The following SYNPO variants were observed in gnomAD, a reference collection of about 807,000 sequenced individuals.
SYNPO encodes synaptopodin.
In SYNPO, 19 loss-of-function variants were observed where a neutral mutation model predicts 49.5. The ratio of observed to expected loss-of-function variants is 0.38; its 90% CI spans 0.27 to 0.56. The LOEUF (loss-of-function observed/expected upper bound fraction) is 0.56. Among genes scored for constraint, SYNPO ranks in the 20% least tolerant of loss-of-function variants. SYNPO has a pLI of 0.68. For missense variants in SYNPO, 1,131 were observed against 1,248.3 expected, an observed-to-expected ratio of 0.91 and a Z score of 1.42; for synonymous variants, 536 against 548.0, an observed-to-expected ratio of 0.98 and a Z score of 0.31.
chr5:150,605,064 A>G (rs1756653546), intron 1 of SYNPO, among the ~76,000 whole-genome samples: 1 of 152,156 alleles, frequency 6.6e-6, no homozygotes, highest in African/African-American at 2.4e-5. Context: ...AAATGAGCCA[A>G]CCCTAAGCTC....
Position 150,650,071 on chromosome 5 carries a change from T to G in SYNPO, c.1796T>G (p.Val599Gly). Reference sequence around the variant, plus strand: ...GCCAAGCCCAGCTCCTTGGACCTGGTGCCCAACCTGCCCAAGGGGGCTCTC... The same window carrying G: ...GCCAAGCCCAGCTCCTTGGACCTGGGGCCCAACCTGCCCAAGGGGGCTCTC... The part of the protein sequence containing the change: ...SPAKPSSLDL[V>G]PNLPKGALPP... Residue 599 changes from valine to glycine, a missense_variant, in exon 2 of 3, where the codon GTG (valine) becomes GGG (glycine). Physicochemically the swap from Val to Gly is moderately radical, Grantham distance 109 (BLOSUM62 -3). Around this residue, in one of 4 missense-constraint regions of SYNPO, gnomAD observed 509 missense variants for 484.5 expected, o/e 1.05. Coordinates refer to ENST00000307662, the MANE Select transcript of SYNPO (RefSeq NM_007286.6). 6.2e-7 allele frequency: 1 copy of G among 1,613,400 alleles called. No homozygotes were observed. The highest frequency in any genetic ancestry group is 2.2e-5 in the East Asian group (1 of 44,874).
intron 2 of SYNPO, among the ~76,000 whole-genome samples, chr5:150,624,545 G>C (rs1468598208): frequency 6.7e-6 from 1 of 148,558 alleles, no homozygotes; most frequent in East Asian, 2.0e-4. Flanking sequence ...ACAGCGAGAG[G>C]AAAGAGAGGT....
chr5:150,615,897 A>G (rs561412354), intron 1 of SYNPO, among the ~76,000 whole-genome samples: 1 of 152,232 alleles, frequency 6.6e-6, no homozygotes, highest in Non-Finnish European at 1.5e-5. Context: ...CACCTCTGAA[A>G]TGGGATAATA....
At position 150,618,707 on chromosome 5, in the gene SYNPO, G is replaced by A. The variant is rs558809889; in HGVS notation, c.340G>A (p.Gly114Arg). ...CCAGGACTGGGATGTAGTGAAGGCC[G>A]GGCAGATGATGACAGCCAGCCCCAG... Residue 114 changes from glycine (G) to arginine (R), a missense_variant, in exon 2 of 3, where the codon GGG becomes AGG. Physicochemically the swap from Gly to Arg is moderately radical, Grantham distance 125. Transcript: ENST00000394243. The A allele has an allele frequency of 2.5e-4, 381 of 1,550,712 alleles. No individual in the cohort carries two copies. The African/African-American group carries it at 4.6e-3, about 19-fold the overall frequency.
intron 1 of SYNPO, among the ~76,000 whole-genome samples, chr5:150,603,927 G>A (rs555143039): frequency 6.6e-6 from 1 of 152,300 alleles, no homozygotes; most frequent in South Asian, 2.1e-4. Flanking sequence ...CTTATGGAAG[G>A]GTGCCTTTCC....
In SYNPO at chr5:150,657,432, T is replaced by TCTCTCA. The variant is rs1298503590; in HGVS notation, c.*346_*347insTCTCAC. 7.2e-5 allele frequency: 10 copies of TCTCTCA among 139,684 alleles called. No homozygotes were observed. The highest frequency in any genetic ancestry group is 4.1e-4 in the South Asian group (2 of 4,846). 8.7% of individuals were successfully genotyped at this position (139,684 alleles called of 1,614,324 possible). A position where few individuals can be genotyped will look rare whatever the true frequency, so the allele number is the denominator to read the frequency against. ...CTCTCTCTTTCTCTCTCTCTCTCTCTCACACACACACACACACACACACAC... is the reference window on the plus strand; with the variant it reads ...CTCTCTCTTTCTCTCTCTCTCTCTCTCTCTCACACACACACACACACACACACACAC... On this transcript the variant is annotated 3_prime_UTR_variant, in exon 3 of 3. Coordinates refer to ENST00000307662, the MANE Select transcript of SYNPO (RefSeq NM_007286.6).
In SYNPO at chr5:150,649,042, G is replaced by A. The variant is rs368338113; in HGVS notation, c.767G>A (p.Arg256Lys). Residue 256 changes from arginine (R) to lysine (K), a missense_variant, in exon 2 of 3, where the codon AGG becomes AAG. Arg to Lys is a conservative substitution (Grantham distance 26). Transcript: ENST00000307662. Reference protein sequence around the residue: ...QAPGGTSQMERSPMLERRHFG... With the variant: ...QAPGGTSQMEKSPMLERRHFG... ...CCAGGGGGCACCAGCCAGATGGAGA[G>A]GAGCCCCATGCTAGAGAGACGACAT... is the stretch of plus-strand genomic sequence containing the variant. 6.2e-6 allele frequency: 10 copies of A among 1,614,122 alleles called. No individual in the cohort carries two copies. The highest frequency in any genetic ancestry group is 3.3e-5 in the Admixed American group (2 of 60,010).
rs1758553250 is a variant in SYNPO, at chr5:150,656,447, G to A, written c.2072G>A (p.Gly691Asp). The A allele has an allele frequency of 6.5e-7, 1 of 1,532,124 alleles. No individual in the cohort carries two copies. The highest frequency in any genetic ancestry group is 8.7e-7 in the Non-Finnish European group (1 of 1,145,330). 94.9% of individuals were successfully genotyped at this position (1,532,124 alleles called of 1,614,324 possible). A position where few individuals can be genotyped will look rare whatever the true frequency, so the allele number is the denominator to read the frequency against. Residue 691 changes from glycine to aspartate, a missense_variant, in exon 3 of 3, where the codon GGC becomes GAC. Gly to Asp is a moderately conservative substitution (Grantham distance 94). Coordinates refer to ENST00000307662, the MANE Select transcript of SYNPO (RefSeq NM_007286.6). ...SLPTSPPWTP[G>D]ASRPPSSLDG... ...CCCACCTCCCCACCCTGGACGCCGG[G>A]CGCGTCCCGGCCCCCCAGCAGCCTA...
At chr5:150,630,058 A>G (rs750988109) in intron 2 of SYNPO, among the ~76,000 whole-genome samples, 3 of 152,148 alleles carry the variant, frequency 2.0e-5, no homozygotes, top group Non-Finnish European at 2.9e-5. Flanking sequence ...GAGGAGCCTC[A>G]CTGGGTCTAG....
chr5:150,618,614 C>CT lies in SYNPO; in HGVS notation c.248dup (p.Ile85HisfsTer56). On this transcript the variant is annotated frameshift_variant, in exon 2 of 3. Transcript: ENST00000394243. LOFTEE classifies it high-confidence loss of function. ...GGGGACACCGCAGCTGCCCAAAGCC[C>CT]TGGGCATCCAACCACCCAGCTGCTC... 6.4e-7 allele frequency: 1 copy of CT among 1,551,496 alleles called. No individual in the cohort carries two copies. Among genetic ancestry groups the CT allele is most frequent in the Non-Finnish European group, 8.7e-7 (1 of 1,146,964 alleles).
At position 150,602,999 on chromosome 5, in the gene SYNPO, T is replaced by G. The variant is rs376090563; in HGVS notation, c.-266+1811T>G. Among the ~76,000 whole-genome samples the G allele has an allele frequency of 4.0e-3, 470 of 116,472 alleles. 2 individuals carry two copies. Among genetic ancestry groups the G allele is most frequent in the African/African-American group, 0.015 (409 of 27,036 alleles). 76.4% of individuals were successfully genotyped at this position (116,472 alleles called of 152,430 possible). A position where few individuals can be genotyped will look rare whatever the true frequency, so the allele number is the denominator to read the frequency against. On this transcript the variant is annotated intron_variant, in intron 1 of 2. Transcript: ENST00000394243. ...GGAAAGCCCAGTTGCCACCTTAGGG[T>G]GTGTGTGTGTGTGTGTGTGTGTGTG...
At chr5:150,607,242 G>A (rs568397584) in intron 1 of SYNPO, among the ~76,000 whole-genome samples, 4 of 152,136 alleles carry the variant, frequency 2.6e-5, no homozygotes, top group East Asian at 1.9e-4. Flanking sequence ...GGCCATAAGC[G>A]TAATAGGAAC....
chr5:150,638,110 T>G (rs1252411301), upstream of SYNPO, among the ~76,000 whole-genome samples: 4 of 150,746 alleles, frequency 2.7e-5, no homozygotes, highest in Admixed American at 1.3e-4. Context: ...GGGAGTGGGG[T>G]GGGGGTTATC....
chr5:150,607,421 G>A (rs1756724979), intron 1 of SYNPO, among the ~76,000 whole-genome samples: 1 of 152,164 alleles, frequency 6.6e-6, no homozygotes. Context: ...TTCTCTGCTT[G>A]TTTACCACAA....
intron 2 of SYNPO, among the ~76,000 whole-genome samples, chr5:150,619,032 T>A (rs1247948133): frequency 6.7e-6 from 1 of 150,004 alleles, no homozygotes; most frequent in Non-Finnish European, 1.5e-5. Context: ...TTATCTTGCT[T>A]GGCTAAAAAA....
rs1345336843 is a variant in SYNPO at position 150,657,075 on chromosome 5, C to T, written c.2700C>T (p.Ser900=). 1 of 1,592,190 alleles carries T rather than the reference C, an allele frequency of 6.3e-7. No individual in the cohort carries two copies. The highest frequency in any genetic ancestry group is 1.1e-5 in the South Asian group (1 of 87,616). ...LKRGSLPAEA[S]CTT is the part of the protein sequence containing the mutation. The stretch of plus-strand genomic sequence containing the variant: ...GTGGCAGCCTCCCCGCCGAGGCCTC[C>T]TGCACCACCTAGAGCCCCACCCCCG... Residue 900 remains serine (S), a synonymous_variant, in exon 3 of 3, where the codon TCC becomes TCT. Transcript: ENST00000307662.
At chr5:150,627,648 G>A (rs757290811) in intron 2 of SYNPO, among the ~76,000 whole-genome samples, 2 of 152,212 alleles carry the variant, frequency 1.3e-5, no homozygotes, top group Non-Finnish European at 2.9e-5. Flanking sequence ...AGCAGTTAGG[G>A]GGCTACCGGG....
intron 1 of SYNPO, among the ~76,000 whole-genome samples, chr5:150,606,318 C>T (rs1756692173): frequency 6.6e-6 from 1 of 152,226 alleles, no homozygotes; most frequent in Non-Finnish European, 1.5e-5. Context: ...TCTCAACCCC[C>T]TCACTGCAGT....
rs1554106602 is a variant in SYNPO at position 150,602,997 on chromosome 5, G to GGGGGGGT, written c.-266+1810_-266+1811insGGGGGTG. On this transcript the variant is annotated intron_variant, in intron 1 of 2. Coordinates refer to the SYNPO transcript ENST00000394243. ...GTGGAAAGCCCAGTTGCCACCTTAG[G>GGGGGGGT]GTGTGTGTGTGTGTGTGTGTGTGTG... Among the ~76,000 whole-genome samples, 243 of 131,258 alleles carry GGGGGGGT rather than the reference G, an allele frequency of 1.9e-3. 2 individuals carry two copies. Among genetic ancestry groups the GGGGGGGT allele is most frequent in the African/African-American group, 6.7e-3 (225 of 33,816 alleles). The allele number at this position is 131,258 out of a possible 152,430, so 86.1% of individuals were successfully genotyped here. A position where few individuals can be genotyped will look rare whatever the true frequency, so the allele number is the denominator to read the frequency against.
Sources: gnomAD v4.1 joint callset for allele counts (sites outside exome capture counted in the v4.1 genomes callset) on GRCh38, gnomAD v4.1.1 for gene constraint, gnomAD v4.1.1 regional missense constraint, MANE v1.5 for transcripts, NCBI Gene and HGNC (gene_info 2026-07-23, HGNC 2026-07-21) for gene names.